Variants in TTC27 observed in about 807,000 individuals in gnomAD.
The protein encoded by TTC27 is tetratricopeptide repeat domain 27, also known as tetratricopeptide repeat protein 27.
In TTC27, 79 loss-of-function variants were observed where a neutral mutation model predicts 115.9. That is an observed-to-expected ratio of 0.68 (90% CI 0.57 to 0.82). The LOEUF is 0.82. TTC27 is among the 40% of genes least tolerant of loss of function. The pLI is 0.00. For synonymous variants in TTC27, 401 were observed against 356.0 expected, an observed-to-expected ratio of 1.13 and a Z score of -1.42; for missense variants, 1,054 against 993.1, an observed-to-expected ratio of 1.06 and a Z score of -0.82.
intron 16 of TTC27, among the ~76,000 whole-genome samples, chr2:32,793,249 C>T (rs1276236815): frequency 6.6e-6 from 1 of 152,066 alleles, no homozygotes; most frequent in Non-Finnish European, 1.5e-5. Flanking sequence ...CTGATATATT[C>T]AAAGTGCTAA....
intron 8 of TTC27, among the ~76,000 whole-genome samples, chr2:32,677,732 C>T (rs991384429): frequency 6.6e-6 from 1 of 152,180 alleles, no homozygotes; most frequent in Non-Finnish European, 1.5e-5. Flanking sequence ...GGATTACAGG[C>T]ATGAGCCACC....
At position 32,725,685 on chromosome 2, in the gene TTC27, G is replaced by A. The variant is rs142712645; in HGVS notation, c.1234-8143G>A. Among the ~76,000 whole-genome samples, 97 of 152,304 alleles carry A rather than the reference G, an allele frequency of 6.4e-4. 2 individuals are homozygous for A. In the East Asian group the frequency reaches 0.018, roughly 28 times the overall value. ...ATGTCAGCGGATTTACCATTCTGGGGTCTGGAGGATGGTGGCCCTCTTCTC... is the reference window on the plus strand; with the variant it reads ...ATGTCAGCGGATTTACCATTCTGGGATCTGGAGGATGGTGGCCCTCTTCTC... On this transcript the variant is annotated intron_variant, in intron 10 of 19. Transcript: ENST00000317907.
At chr2:32,637,393 G>A (rs1336235004) in intron 3 of TTC27, among the ~76,000 whole-genome samples, 9 of 151,548 alleles carry the variant, frequency 5.9e-5, no homozygotes, top group African/African-American at 1.7e-4. Context: ...GTGCAGTGGC[G>A]CAATCTCAGC....
chr2:32,769,138 C>T (rs1669739337), intron 13 of TTC27, among the ~76,000 whole-genome samples: 1 of 152,138 alleles, frequency 6.6e-6, no homozygotes, highest in Admixed American at 6.5e-5. Context: ...CAGGCAATGT[C>T]CTGAGCTTTG....
At chr2:32,659,692 C>G (rs752468353) in intron 5 of TTC27, among the ~76,000 whole-genome samples, 5 of 152,016 alleles carry the variant, frequency 3.3e-5, no homozygotes, top group African/African-American at 4.8e-5. Context: ...TCCTCCACCC[C>G]ACATGATGTT....
intron 9 of TTC27, among the ~76,000 whole-genome samples, chr2:32,695,956 CAAAT>C (rs1207563264): frequency 6.7e-6 from 1 of 150,090 alleles, no homozygotes; most frequent in Admixed American, 6.6e-5. Flanking sequence ...AATAAATAAA[CAAAT>C]AAAAATACGA....
At chr2:32,635,609 G>A (rs1161244250) in intron 3 of TTC27, among the ~76,000 whole-genome samples, 15 of 152,104 alleles carry the variant, frequency 9.9e-5, no homozygotes, top group African/African-American at 2.4e-4. Flanking sequence ...GCTTGAACCC[G>A]GGAGGCGGAG....
At chr2:32,651,323 C>T (rs1665115763) in intron 5 of TTC27, among the ~76,000 whole-genome samples, 1 of 152,138 alleles carries the variant, frequency 6.6e-6, no homozygotes, top group South Asian at 2.1e-4. Context: ...ATAAGGGGCT[C>T]TTGTACCTTT....
intron 16 of TTC27, among the ~76,000 whole-genome samples, chr2:32,804,551 G>A (rs1671065776): frequency 6.6e-6 from 1 of 151,796 alleles, no homozygotes; most frequent in Non-Finnish European, 1.5e-5. Context: ...ATACTTAAAG[G>A]GTATGTGGAA....
At chr2:32,640,773 A>G (rs1018179042) in intron 4 of TTC27, among the ~76,000 whole-genome samples, 5 of 152,164 alleles carry the variant, frequency 3.3e-5, no homozygotes, top group African/African-American at 1.2e-4. Context: ...ACCTGAGGTC[A>G]GGAGTTCGAG....
At chr2:32,761,520 ACTT>A (rs1209760547) in intron 13 of TTC27, among the ~76,000 whole-genome samples, 2 of 151,748 alleles carry the variant, frequency 1.3e-5, no homozygotes, top group African/African-American at 4.8e-5. Context: ...AGCTCCCGGC[ACTT>A]CTTCCTCCTT....
chr2:32,740,860 G>A (rs1668610366), intron 12 of TTC27, among the ~76,000 whole-genome samples: 1 of 151,990 alleles, frequency 6.6e-6, no homozygotes, highest in Admixed American at 6.5e-5. Context: ...TCACCATATT[G>A]GCCAGGCTGG....
intron 13 of TTC27, 37 bp downstream of exon 13, chr2:32,758,556 T>A: frequency 6.3e-7 from 1 of 1,582,494 alleles, no homozygotes; most frequent in South Asian, 1.1e-5. Flanking sequence ...CTCTCAGCGC[T>A]TGTGCTGTTC....
chr2:32,736,219 C>T (rs1026542340), intron 11 of TTC27, among the ~76,000 whole-genome samples: 1 of 152,080 alleles, frequency 6.6e-6, no homozygotes, highest in Non-Finnish European at 1.5e-5. Context: ...TTAGAATGTG[C>T]TTGAAATAAA....
chr2:32,701,678 C>T (rs979309155), intron 9 of TTC27, among the ~76,000 whole-genome samples: 17 of 152,190 alleles, frequency 1.1e-4, no homozygotes, highest in African/African-American at 4.1e-4. Context: ...TCTTGCTAAC[C>T]TTTAATGAGA....
At chr2:32,766,588 C>A in intron 13 of TTC27, 1 of 209,676 alleles carries the variant, frequency 4.8e-6, no homozygotes, top group Non-Finnish European at 1.1e-5. Context: ...GTTTGTGGTG[C>A]CCCCAAACAA....
At chr2:32,805,026 G>T (rs1671081848) in intron 16 of TTC27, among the ~76,000 whole-genome samples, 1 of 152,132 alleles carries the variant, frequency 6.6e-6, no homozygotes, top group Admixed American at 6.6e-5. Context: ...CAATGTAAAA[G>T]AACTTAATAG....
In TTC27 at chr2:32,637,364, C is replaced by G. The variant is rs148804813; in HGVS notation, c.397-2906C>G. ...TTTTTTTTTTTCAGACGGAGTCTCACTGTGTTGCCCAGGCTGGAGTGCAGT... is the reference window on the plus strand; with the variant it reads ...TTTTTTTTTTTCAGACGGAGTCTCAGTGTGTTGCCCAGGCTGGAGTGCAGT... On this transcript the variant is annotated intron_variant, in intron 3 of 19. Coordinates refer to ENST00000317907, the MANE Select transcript of TTC27 (RefSeq NM_017735.5). Among the ~76,000 whole-genome samples the G allele has an allele frequency of 3.9e-3, 589 of 151,924 alleles. 4 individuals are homozygous for G. Among genetic ancestry groups the G allele is most frequent in the African/African-American group, 0.012 (488 of 41,436 alleles).
At chr2:32,742,999 A>T (rs181158070) in intron 12 of TTC27, among the ~76,000 whole-genome samples, 2 of 152,118 alleles carry the variant, frequency 1.3e-5, no homozygotes, top group East Asian at 3.9e-4. Context: ...ATTCTCTTGG[A>T]GCAAACCTGT....
Sources: allele counts gnomAD v4.1 joint callset (sites outside exome capture counted in the v4.1 genomes callset), GRCh38; gene constraint gnomAD v4.1.1; transcripts MANE v1.5; gene names NCBI Gene and HGNC (gene_info 2026-07-23, HGNC 2026-07-21).